Variants in ACOX1 observed in about 807,000 individuals in gnomAD.
ACOX1 encodes peroxisomal acyl-coenzyme A oxidase 1.
Under a neutral mutation model 75.5 loss-of-function variants are expected in ACOX1, and 41 were observed. The ratio of observed to expected loss-of-function variants is 0.54; its 90% CI spans 0.42 to 0.70. ACOX1 has a LOEUF of 0.70. Among genes scored for constraint, ACOX1 ranks in the 30% least tolerant of loss-of-function variants. The pLI, the probability that ACOX1 is intolerant of heterozygous loss-of-function variation, is 0.00. For synonymous variants in ACOX1, 303 were observed against 298.8 expected (o/e 1.01, Z -0.15); for missense variants, 630 against 837.5 (o/e 0.75, Z 3.06).
chr17:75,968,353 G>A (rs573822860), intron 2 of ACOX1, among the ~76,000 whole-genome samples: 97 of 144,234 alleles, frequency 6.7e-4, no homozygotes, highest in Non-Finnish European at 1.0e-3. Context: ...GGAGAATGGC[G>A]TGAACCCGGG....
At chr17:75,976,114 A>G (rs2066048208) in intron 2 of ACOX1, among the ~76,000 whole-genome samples, 1 of 152,206 alleles carries the variant, frequency 6.6e-6, no homozygotes, top group Non-Finnish European at 1.5e-5. Flanking sequence ...ATAGCATGCG[A>G]TAATTTCCAG....
At chr17:75,952,054 C>T (rs1204878803) in intron 7 of ACOX1, among the ~76,000 whole-genome samples, 3 of 152,036 alleles carry the variant, frequency 2.0e-5, no homozygotes, top group Non-Finnish European at 4.4e-5. Context: ...CTGCAAAGTC[C>T]ATATCTGTCC....
At position 75,979,166 on chromosome 17, in the gene ACOX1, C is replaced by A. The variant is rs900152454; in HGVS notation, c.-93G>T. The A allele has an allele frequency of 2.6e-6, 4 of 1,518,968 alleles. No homozygotes were observed. Among genetic ancestry groups the A allele is most frequent in the African/African-American group, 2.7e-5 (2 of 72,740 alleles). 94.1% of individuals were successfully genotyped at this position (1,518,968 alleles called of 1,614,324 possible). On this transcript the variant is annotated 5_prime_UTR_variant, in exon 1 of 14. Coordinates refer to ENST00000293217, the MANE Select transcript of ACOX1 (RefSeq NM_004035.7). ...CCAGCGCCGGCCGGACCCTAGGAGG[C>A]AGCCTCAGGACGGCGCAAGTCCCCG...
At chr17:75,966,555 G>A (rs376101485) in intron 2 of ACOX1, among the ~76,000 whole-genome samples, 1 of 152,086 alleles carries the variant, frequency 6.6e-6, no homozygotes, top group African/African-American at 2.4e-5. Flanking sequence ...TGTAATCCCA[G>A]CATTCTGGGA....
intron 6 of ACOX1, among the ~76,000 whole-genome samples, chr17:75,953,936 AGAGTGGGCGTGATGGCTCACGCCT>A (rs2065797950): frequency 6.6e-6 from 1 of 152,250 alleles, no homozygotes; most frequent in Non-Finnish European, 1.5e-5. Context: ...AAGAAGCATC[AGAGTGGGCGTGATGGCTCACGCCT>A]GTAATCCCAG....
At chr17:75,956,963 CTCTCTCTCTATATA>C (rs2065835519) in intron 4 of ACOX1, among the ~76,000 whole-genome samples, 53 of 19,078 alleles carry the variant, frequency 2.8e-3, no homozygotes, top group Non-Finnish European at 3.5e-3. Context: ...CTCTCTCTCT[CTCTCTCTCTATATA>C]TATATATATA....
intron 2 of ACOX1, among the ~76,000 whole-genome samples, chr17:75,975,778 C>T (rs1447378748): frequency 6.6e-6 from 1 of 151,372 alleles, no homozygotes; most frequent in African/African-American, 2.4e-5. Flanking sequence ...CCCATTTCTA[C>T]TAAAAATACA....
Position 75,976,209 on chromosome 17 carries a change from G to A in ACOX1, c.269+2325C>T, listed in dbSNP as rs148271230. Among the ~76,000 whole-genome samples the A allele has an allele frequency of 8.5e-5, 13 of 152,310 alleles. No individual in the cohort carries two copies. The East Asian group carries it at 1.2e-3, about 14-fold the overall frequency. On this transcript the variant is annotated intron_variant, in intron 2 of 13. Coordinates refer to ENST00000293217, the MANE Select transcript of ACOX1 (RefSeq NM_004035.7). ...ACATTGGAAGTGTGTCAAAGGGTGTGTTAAAGTTTGTACTTTAATACTTCA... is the reference window on the plus strand; with the variant it reads ...ACATTGGAAGTGTGTCAAAGGGTGTATTAAAGTTTGTACTTTAATACTTCA...
chr17:75,964,790 G>C (rs140487789), intron 2 of ACOX1, among the ~76,000 whole-genome samples: 2 of 152,140 alleles, frequency 1.3e-5, no homozygotes, highest in East Asian at 3.8e-4. Flanking sequence ...ATTATACTTA[G>C]TGAAGGGCTA....
intron 2 of ACOX1, among the ~76,000 whole-genome samples, chr17:75,964,324 A>C (rs1422495244): frequency 6.6e-6 from 1 of 152,136 alleles, no homozygotes; most frequent in Non-Finnish European, 1.5e-5. Context: ...GTGCACTTAG[A>C]ACCTGGAAGG....
chr17:75,965,548 T>C (rs1414790917), intron 2 of ACOX1, among the ~76,000 whole-genome samples: 1 of 150,218 alleles, frequency 6.7e-6, no homozygotes, highest in Non-Finnish European at 1.5e-5. Flanking sequence ...AGAATTCATC[T>C]AGAATAAGCA....
chr17:75,973,173 T>C (rs1167277379), intron 2 of ACOX1: 6 of 175,228 alleles, frequency 3.4e-5, no homozygotes, highest in African/African-American at 1.4e-4. Flanking sequence ...CCAAACTGCC[T>C]TATAACCCTG....
chr17:75,962,232 AACG>A (rs1598188322), intron 2 of ACOX1, among the ~76,000 whole-genome samples: 2 of 152,172 alleles, frequency 1.3e-5, no homozygotes, highest in Admixed American at 6.6e-5. Flanking sequence ...AGACCATAAT[AACG>A]ACAAGTTACA....
Position 75,944,931 on chromosome 17 carries a change from A to T in ACOX1, c.*1817T>A, listed in dbSNP as rs1257525407. 2 of 152,118 alleles carry T rather than the reference A, an allele frequency of 1.3e-5. No homozygotes were observed. Among genetic ancestry groups the T allele is most frequent in the Non-Finnish European group, 2.9e-5 (2 of 68,046 alleles). 9.4% of individuals were successfully genotyped at this position (152,118 alleles called of 1,614,324 possible). A position where few individuals can be genotyped will look rare whatever the true frequency, so the allele number is the denominator to read the frequency against. On this transcript the variant is annotated 3_prime_UTR_variant, in exon 14 of 14. Transcript: ENST00000293217. ...CTAATTTTTGTATTTTTTTCAGTAG[A>T]GACGGGGTTTCACCATGTTGGCCAG...
At position 75,946,799 on chromosome 17, in the gene ACOX1, TG is replaced by T; in HGVS notation, c.1936-5del. Reference sequence around the variant, plus strand: ...GGTGCTTGTAAGATTCGTGGACCTGTGGGGAAAGGAGAGAGAAGAACTACTA... The same window carrying T: ...GGTGCTTGTAAGATTCGTGGACCTGTGGGAAAGGAGAGAGAAGAACTACTA... On this transcript the variant is annotated splice_region_variant and splice_polypyrimidine_tract_variant and intron_variant, in intron 13 of 13. Transcript: ENST00000293217. 1 of 1,613,332 alleles carries T rather than the reference TG, an allele frequency of 6.2e-7. No individual in the cohort carries two copies. The highest frequency in any genetic ancestry group is 1.7e-4 in the Middle Eastern group (1 of 6,060).
Position 75,944,913 on chromosome 17 carries a change from T to C in ACOX1, c.*1835A>G, listed in dbSNP as rs2144222676. On this transcript the variant is annotated 3_prime_UTR_variant, in exon 14 of 14. Coordinates refer to ENST00000293217, the MANE Select transcript of ACOX1 (RefSeq NM_004035.7). Reference sequence around the variant, plus strand: ...TGCTACCACCATGCCCAGCTAATTTTTGTATTTTTTTCAGTAGAGACGGGG... The same window carrying C: ...TGCTACCACCATGCCCAGCTAATTTCTGTATTTTTTTCAGTAGAGACGGGG... 6.6e-6 allele frequency: 1 copy of C among 152,214 alleles called. No homozygotes were observed. Among genetic ancestry groups the C allele is most frequent in the East Asian group, 1.9e-4 (1 of 5,180 alleles). The allele number at this position is 152,214 out of a possible 1,614,324, so 9.4% of individuals were successfully genotyped here.
At chr17:75,966,022 C>T (rs192035198) in intron 2 of ACOX1, among the ~76,000 whole-genome samples, 3 of 151,762 alleles carry the variant, frequency 2.0e-5, no homozygotes, top group African/African-American at 4.8e-5. Flanking sequence ...CCCAGCTACT[C>T]GGGAGGCTAA....
At chr17:75,954,642 A>G (rs1384891125) in intron 6 of ACOX1, among the ~76,000 whole-genome samples, 6 of 125,986 alleles carry the variant, frequency 4.8e-5, no homozygotes, top group Non-Finnish European at 9.5e-5. Context: ...TGTGATCTCG[A>G]CTTACTGCAA....
At chr17:75,958,587 T>A (rs2065857099) in intron 3 of ACOX1, among the ~76,000 whole-genome samples, 3 of 151,316 alleles carry the variant, frequency 2.0e-5, no homozygotes, top group South Asian at 2.1e-4. Flanking sequence ...GGCGGGCGGA[T>A]CACAAAGTCA....
Sources: allele counts gnomAD v4.1 joint callset (sites outside exome capture counted in the v4.1 genomes callset), GRCh38; gene constraint gnomAD v4.1.1; transcripts MANE v1.5; gene names NCBI Gene and HGNC (gene_info 2026-07-23, HGNC 2026-07-21).